Variants in DOCK5 observed in about 807,000 individuals in gnomAD.
DOCK5 encodes dedicator of cytokinesis protein 5.
Under a neutral mutation model 251.8 loss-of-function variants are expected in DOCK5, and 142 were observed. That is an observed-to-expected ratio of 0.56 (90% CI 0.49 to 0.65). DOCK5 has a LOEUF of 0.65. DOCK5 is among the 30% of genes least tolerant of loss of function. The pLI, the probability that DOCK5 is intolerant of heterozygous loss-of-function variation, is 0.00. For missense variants in DOCK5, 2,111 were observed against 2,312.3 expected (o/e 0.91, Z 1.79); for synonymous variants, 842 against 835.5 (o/e 1.01, Z -0.13).
At chr8:25,394,880 C>T (rs1391722546) in intron 44 of DOCK5, among the ~76,000 whole-genome samples, 1 of 150,818 alleles carries the variant, frequency 6.6e-6, no homozygotes, top group African/African-American at 2.4e-5. Flanking sequence ...AGTCCCCAAT[C>T]TTTTTGACAC....
chr8:25,270,589 A>G (rs1224835936), intron 3 of DOCK5, among the ~76,000 whole-genome samples: 1 of 152,192 alleles, frequency 6.6e-6, no homozygotes, highest in African/African-American at 2.4e-5. Flanking sequence ...CCATTCTCAA[A>G]CAAAATTATG....
At chr8:25,364,785 C>T (rs1027416668) in intron 30 of DOCK5, 81 bp downstream of exon 30, 21 of 1,019,742 alleles carry the variant, frequency 2.1e-5, no homozygotes, top group Non-Finnish European at 3.1e-5. Context: ...AATGTCTCCT[C>T]AGATTTCACT....
intron 18 of DOCK5, among the ~76,000 whole-genome samples, chr8:25,327,340 A>G (rs936824351): frequency 6.6e-6 from 1 of 152,200 alleles, no homozygotes; most frequent in Non-Finnish European, 1.5e-5. Context: ...TAAACTAAGT[A>G]TGGTAGTATA....
At chr8:25,410,262 C>A in intron 51 of DOCK5, 60 bp downstream of exon 51, 1 of 1,433,090 alleles carries the variant, frequency 7.0e-7, no homozygotes, top group Non-Finnish European at 9.7e-7. Context: ...AAGGCAGCAT[C>A]AGGTTTTCCA....
intron 1 of DOCK5, among the ~76,000 whole-genome samples, chr8:25,199,572 G>C (rs1801830044): frequency 1.3e-5 from 2 of 151,986 alleles, no homozygotes; most frequent in African/African-American, 4.8e-5. Flanking sequence ...TAGTAGAGAC[G>C]GGGTTTCACC....
chr8:25,309,437 C>T (rs1254061441), intron 12 of DOCK5, among the ~76,000 whole-genome samples: 2 of 152,124 alleles, frequency 1.3e-5, no homozygotes, highest in Non-Finnish European at 2.9e-5. Flanking sequence ...CCCACCTTGG[C>T]CTCCCAAATC....
intron 1 of DOCK5, among the ~76,000 whole-genome samples, chr8:25,228,258 G>A (rs952918268): frequency 3.3e-5 from 5 of 152,194 alleles, no homozygotes; most frequent in African/African-American, 1.2e-4. Context: ...GCATAGTTTT[G>A]TTCCACTTAG....
In DOCK5 at chr8:25,319,489, G is replaced by T; in HGVS notation, c.1444-89G>T. On this transcript the variant is annotated intron_variant, in intron 14 of 51. Transcript: ENST00000276440. ...GTGTAGGGCATGTGTGGACGTGTTT[G>T]GGGGTGAGGGGCTTGTGCATGGTAT... 3 of 803,912 alleles carry T rather than the reference G, an allele frequency of 3.7e-6. No homozygotes were observed. The South Asian group carries it at 4.9e-5, about 13-fold the overall frequency. 49.8% of individuals were successfully genotyped at this position (803,912 alleles called of 1,614,324 possible). A position where few individuals can be genotyped will look rare whatever the true frequency, so the allele number is the denominator to read the frequency against.
intron 2 of DOCK5, among the ~76,000 whole-genome samples, chr8:25,247,346 C>A (rs1240066421): frequency 6.6e-6 from 1 of 152,088 alleles, no homozygotes; most frequent in Non-Finnish European, 1.5e-5. Flanking sequence ...CCTGTAATCC[C>A]AGCACTTTGG....
intron 2 of DOCK5, among the ~76,000 whole-genome samples, chr8:25,254,652 G>A (rs1405376921): frequency 6.6e-6 from 1 of 151,600 alleles, no homozygotes; most frequent in African/African-American, 2.4e-5. Context: ...GTGGCCAGCT[G>A]TAATCCCAGC....
At position 25,359,003 on chromosome 8, in the gene DOCK5, T is replaced by A. The variant is rs575405226; in HGVS notation, c.2891T>A (p.Met964Lys). Reference sequence around the variant, plus strand: ...TGCATGATTGCCCTGCTGCAGCAAATGGACGACAGCCACTATAGCCACTAC... The same window carrying A: ...TGCATGATTGCCCTGCTGCAGCAAAAGGACGACAGCCACTATAGCCACTAC... ...VACMIALLQQ[M>K]DDSHYSHYIS... The change falls in exon 28 of 52, where the codon ATG (methionine) becomes AAG (lysine). Residue 964 changes from methionine (M) to lysine (K), a missense_variant. Physicochemically the swap from Met to Lys is moderately conservative, Grantham distance 95. Coordinates refer to ENST00000276440, the MANE Select transcript of DOCK5 (RefSeq NM_024940.8). 92 of 1,613,962 alleles carry A rather than the reference T, an allele frequency of 5.7e-5. 1 individual carries two copies. In the African/African-American group the frequency reaches 1.2e-3, roughly 21 times the overall value.
Position 25,364,722 on chromosome 8 carries a change from C to G in DOCK5, c.3123+18C>G, listed in dbSNP as rs1800746494. ...AACTTCAGGTAGGCATGTGACTCAC[C>G]TACCTGCTTCTAGAATTCTTGGCCA... On this transcript the variant is annotated intron_variant, in intron 30 of 51. Transcript: ENST00000276440. 6.4e-7 allele frequency: 1 copy of G among 1,550,710 alleles called. No individual in the cohort carries two copies. The highest frequency in any genetic ancestry group is 8.8e-7 in the Non-Finnish European group (1 of 1,137,416).
At chr8:25,306,306 A>G (rs1269027231) in intron 11 of DOCK5, among the ~76,000 whole-genome samples, 2 of 152,238 alleles carry the variant, frequency 1.3e-5, no homozygotes, top group Non-Finnish European at 2.9e-5. Flanking sequence ...TTTCATCTCC[A>G]TGAATGCTGC....
intron 1 of DOCK5, among the ~76,000 whole-genome samples, chr8:25,239,345 G>GTGTA (rs1802886244): frequency 6.7e-6 from 1 of 150,362 alleles, no homozygotes; most frequent in African/African-American, 2.4e-5. Context: ...GTGTGTATGT[G>GTGTA]TGTGTGTGTG....
At chr8:25,399,604 A>G (rs529701597) in intron 45 of DOCK5, among the ~76,000 whole-genome samples, 2 of 152,122 alleles carry the variant, frequency 1.3e-5, no homozygotes, top group African/African-American at 4.8e-5. Flanking sequence ...GTTCTTTGGG[A>G]AAGTTATTTT....
chr8:25,275,365 C>G, intron 3 of DOCK5, 21 bp from the exon 4 acceptor site: 1 of 1,587,652 alleles, frequency 6.3e-7, no homozygotes. Context: ...GGCCATATAA[C>G]CAAAATTCTT....
chr8:25,363,157 G>A lies in DOCK5; in HGVS notation c.3044+16G>A. ...CTCAAAACAGGTGAGACAGCCCATG[G>A]CTGGCCCTGAGGCATTTGTCTGAAT... On this transcript the variant is annotated intron_variant, in intron 29 of 51. Transcript: ENST00000276440. 6.2e-7 allele frequency: 1 copy of A among 1,609,958 alleles called. No individual in the cohort carries two copies. Among genetic ancestry groups the A allele is most frequent in the Non-Finnish European group, 8.5e-7 (1 of 1,176,326 alleles).
intron 1 of DOCK5, among the ~76,000 whole-genome samples, chr8:25,239,452 A>G (rs1176060959): frequency 1.3e-5 from 2 of 151,430 alleles, no homozygotes; most frequent in African/African-American, 4.9e-5. Flanking sequence ...TTACTTTTCC[A>G]ATGACCGGAA....
chr8:25,296,542 A>G lies in DOCK5; in HGVS notation c.500A>G (p.Asp167Gly), dbSNP rs775017076. The change falls in exon 7 of 52, where the codon GAT becomes GGT. Residue 167 changes from aspartate to glycine, a missense_variant. Asp to Gly is a moderately conservative substitution (Grantham distance 94). Coordinates refer to ENST00000276440, the MANE Select transcript of DOCK5 (RefSeq NM_024940.8). ...CTGGGGTTAGATCTGGTGGTGCGAG[A>G]TGACAATGGGAACATCCTAGACCCT... ...RMLGLDLVVR[D>G]DNGNILDPDE... 1.6e-5 allele frequency: 25 copies of G among 1,611,294 alleles called. No homozygotes were observed. The South Asian group carries it at 2.8e-4, about 18-fold the overall frequency.
Sources: allele counts gnomAD v4.1 joint callset (sites outside exome capture counted in the v4.1 genomes callset), GRCh38; gene constraint gnomAD v4.1.1; transcripts MANE v1.5; gene names NCBI Gene and HGNC (gene_info 2026-07-23, HGNC 2026-07-21).